The following DMBT1 variants were observed in gnomAD, a reference collection of about 807,000 sequenced individuals.
DMBT1 encodes the protein scavenger receptor cysteine-rich domain-containing protein DMBT1.
In DMBT1, 198 loss-of-function variants were observed where a neutral mutation model predicts 252.9. The ratio of observed to expected loss-of-function variants is 0.78; its 90% CI spans 0.70 to 0.88. The LOEUF is 0.88. Among genes scored for constraint, DMBT1 ranks in the 40% least tolerant of loss-of-function variants. The probability of loss-of-function intolerance (pLI) is 0.00; values close to 1 mark genes in which losing one functional copy is unlikely to be tolerated. For synonymous variants in DMBT1, 990 were observed against 942.7 expected (o/e 1.05, Z -0.92); for missense variants, 2,432 against 2,404.7 (o/e 1.01, Z -0.24).
At chr10:122,562,004 C>G (rs994149357) in intron 1 of DMBT1, among the ~76,000 whole-genome samples, 1 of 151,294 alleles carries the variant, frequency 6.6e-6, no homozygotes, top group Non-Finnish European at 1.5e-5. Context: ...CTATTATCAC[C>G]TTCCCTCCCC....
chr10:122,569,089 A>G (rs2097634700), intron 2 of DMBT1, among the ~76,000 whole-genome samples: 2 of 152,000 alleles, frequency 1.3e-5, no homozygotes, highest in African/African-American at 4.8e-5. Context: ...AGGTCAAGGG[A>G]TCATCGGCCA....
Position 122,618,357 on chromosome 10 carries a change from T to C in DMBT1, c.5215+17T>C, listed in dbSNP as rs995130390. On this transcript the variant is annotated intron_variant, in intron 41 of 55. Transcript: ENST00000338354. ...TCTGCTCAGGTGGGCTTTCAAGACC[T>C]TGGGCTCCCTCTCTTAAGTTGAAGT... The C allele has an allele frequency of 2.5e-6, 4 of 1,613,864 alleles. No individual in the cohort carries two copies. Among genetic ancestry groups the C allele is most frequent in the Non-Finnish European group, 3.4e-6 (4 of 1,179,780 alleles).
intron 41 of DMBT1, 124 bp from the exon 42 acceptor site, chr10:122,619,184 C>G (rs563000489): frequency 1.6e-6 from 2 of 1,255,814 alleles, no homozygotes; most frequent in African/African-American, 1.5e-5. Flanking sequence ...CAATGCCCCT[C>G]CCTCTGTGAT....
rs1456627695 is a variant in DMBT1, at chr10:122,643,020, G to C, written c.7353-102G>C. ...GGAAGGTGAGGTGTGCAGGAGGCAG[G>C]GGCAGTGAGGACAGGCTGTGGAGTT... is the stretch of plus-strand genomic sequence containing the variant. On this transcript the variant is annotated intron_variant, in intron 55 of 55. Coordinates refer to ENST00000338354, the MANE Select transcript of DMBT1 (RefSeq NM_001377530.1). 4.1e-6 allele frequency: 6 copies of C among 1,471,132 alleles called. No homozygotes were observed. In the East Asian group the frequency reaches 1.4e-4, roughly 34 times the overall value. 91.1% of individuals were successfully genotyped at this position (1,471,132 alleles called of 1,614,324 possible).
Position 122,629,017 on chromosome 10 carries a change from TG to T in DMBT1, c.5669-822del, listed in dbSNP as rs1319164945. Among the ~76,000 whole-genome samples, 57 of 152,320 alleles carry T rather than the reference TG, an allele frequency of 3.7e-4. 1 individual carries two copies. The highest frequency in any genetic ancestry group is 3.3e-3 in the Admixed American group (50 of 15,306). Reference sequence around the variant, plus strand: ...AGACGTTTTAATTTCTATCACTGAGTGTGCACATGTTTTTAAAAAGTTTTTA... The same window carrying T: ...AGACGTTTTAATTTCTATCACTGAGTTGCACATGTTTTTAAAAAGTTTTTA... On this transcript the variant is annotated intron_variant, in intron 46 of 55. Transcript: ENST00000338354.
At chr10:122,573,841 G>A (rs1015781596) in intron 6 of DMBT1, 79 bp downstream of exon 6, 18 of 1,551,922 alleles carry the variant, frequency 1.2e-5, no homozygotes, top group Non-Finnish European at 1.6e-5. Context: ...CAGATGAGGT[G>A]CAGAGGGCAT....
intron 6 of DMBT1, among the ~76,000 whole-genome samples, chr10:122,574,628 A>G (rs1279701906): frequency 6.6e-6 from 1 of 152,180 alleles, no homozygotes; most frequent in Non-Finnish European, 1.5e-5. Flanking sequence ...TGACTTAGCC[A>G]TGTCCCTTCG....
At chr10:122,571,400 A>T (rs1383840221) in intron 4 of DMBT1, among the ~76,000 whole-genome samples, 1 of 152,106 alleles carries the variant, frequency 6.6e-6, no homozygotes, top group Non-Finnish European at 1.5e-5. Flanking sequence ...CCTAAGTGGC[A>T]GTTTTTCCTT....
intron 10 of DMBT1, among the ~76,000 whole-genome samples, chr10:122,580,581 C>G (rs1367134190): frequency 6.6e-6 from 1 of 152,156 alleles, no homozygotes. Context: ...CTTGCTGACT[C>G]AGGAACACCT....
Position 122,579,840 on chromosome 10 carries a change from C to T in DMBT1, c.942C>T (p.Pro314=). The T allele has an allele frequency of 6.2e-7, 1 of 1,613,658 alleles. No individual in the cohort carries two copies. Among genetic ancestry groups the T allele is most frequent in the Non-Finnish European group, 8.5e-7 (1 of 1,179,650 alleles). Reference sequence around the variant, plus strand: ...ATGAGTCCTACCTGTGGAGCTGCCCCCACAATGGCTGGCTCACCCACAACT... The same window carrying T: ...ATGAGTCCTACCTGTGGAGCTGCCCTCACAATGGCTGGCTCACCCACAACT... ...SGHESYLWSC[P]HNGWLTHNCG... The change falls in exon 10 of 56, where the codon CCC becomes CCT. Residue 314 remains proline, a synonymous_variant. Transcript: ENST00000338354.
chr10:122,589,304 T>C lies in DMBT1; in HGVS notation c.2107+37T>C. On this transcript the variant is annotated intron_variant, in intron 17 of 55. Transcript: ENST00000338354. Reference sequence around the variant, plus strand: ...GCAATTTTGGTTTCCTCTCTTGGGGTAGATTTTGCCCAGGAAGAGAGGTCT... The same window carrying C: ...GCAATTTTGGTTTCCTCTCTTGGGGCAGATTTTGCCCAGGAAGAGAGGTCT... The C allele has an allele frequency of 3.2e-6, 5 of 1,587,256 alleles. 1 individual carries two copies. In the South Asian group the frequency reaches 5.8e-5, roughly 18 times the overall value.
At position 122,572,260 on chromosome 10, in the gene DMBT1, C is replaced by T. The variant is rs754260187; in HGVS notation, c.188-54C>T. On this transcript the variant is annotated intron_variant, in intron 4 of 55. Coordinates refer to ENST00000338354, the MANE Select transcript of DMBT1 (RefSeq NM_001377530.1). ...CAGACCTGAGGAAGCCATGGACCAA[C>T]CCTCTTCAAGCAAGGGCTACCATCA... The T allele has an allele frequency of 1.6e-5, 26 of 1,608,956 alleles. No homozygotes were observed. The Admixed American group carries it at 3.8e-4, about 24-fold the overall frequency.
intron 2 of DMBT1, among the ~76,000 whole-genome samples, chr10:122,566,285 A>G (rs1226640525): frequency 6.6e-6 from 1 of 150,840 alleles, no homozygotes; most frequent in African/African-American, 2.4e-5. Flanking sequence ...AGTTGAAAAT[A>G]AAGGTCAGTA....
At chr10:122,600,960 A>G (rs2097948533) in intron 27 of DMBT1, 31 bp from the exon 28 acceptor site, 2 of 723,602 alleles carry the variant, frequency 2.8e-6, no homozygotes, top group Admixed American at 4.1e-5. Context: ...TTCAAGTCTA[A>G]TTCTGTCTTT....
intron 4 of DMBT1, among the ~76,000 whole-genome samples, chr10:122,571,564 C>T (rs1221485466): frequency 6.6e-6 from 1 of 152,208 alleles, no homozygotes; most frequent in African/African-American, 2.4e-5. Context: ...AGAACTTCTC[C>T]TGGACCCAAC....
intron 6 of DMBT1, among the ~76,000 whole-genome samples, chr10:122,574,335 G>C (rs561307339): frequency 1.5e-4 from 23 of 152,290 alleles, no homozygotes; most frequent in Admixed American, 1.4e-3. Context: ...CTGGCAGCCT[G>C]GGCTTTGGGA....
At chr10:122,587,419 G>T (rs955175253) in intron 16 of DMBT1, among the ~76,000 whole-genome samples, 2 of 149,008 alleles carry the variant, frequency 1.3e-5, no homozygotes, top group Non-Finnish European at 3.0e-5. Context: ...GAGCACTGCA[G>T]TGTCTTGCCT....
rs777015288 is a variant in DMBT1, at chr10:122,597,991, A to G, written c.2935A>G (p.Thr979Ala). The G allele has an allele frequency of 7.4e-6, 12 of 1,613,810 alleles. No individual in the cohort carries two copies. The South Asian group carries it at 1.2e-4, about 16-fold the overall frequency. The change falls in exon 25 of 56, where the codon ACC becomes GCC. Residue 979 changes from threonine to alanine, a missense_variant. Thr to Ala is a moderately conservative substitution (Grantham distance 58). Coordinates refer to ENST00000338354, the MANE Select transcript of DMBT1 (RefSeq NM_001377530.1). ...TPSPDTLPTITLPASTVGSES... is the reference protein window; with the variant it reads ...TPSPDTLPTIALPASTVGSES... ...AATTACAGACACATTGCCGACCATC[A>G]CCTTGCCTGCATCGACAGTAGGTAA...
Position 122,631,253 on chromosome 10 carries a change from T to C in DMBT1, c.6318T>C (p.His2106=), listed in dbSNP as rs761827041. 1.2e-6 allele frequency: 2 copies of C among 1,614,018 alleles called. No individual in the cohort carries two copies. Among genetic ancestry groups the C allele is most frequent in the African/African-American group, 2.7e-5 (2 of 75,064 alleles). Residue 2106 remains histidine (H), a synonymous_variant, in exon 49 of 56, where the codon CAT becomes CAC. Transcript: ENST00000338354. The stretch of plus-strand genomic sequence containing the variant: ...GCTGGTTCTCCCACAACTGTAATCA[T>C]CGTGAAGATGCTGGTGTCATCTGCT... ...NRGWFSHNCN[H]REDAGVICSG... is the part of the protein sequence containing the mutation.
Sources: allele counts gnomAD v4.1 joint callset (sites outside exome capture counted in the v4.1 genomes callset), GRCh38; gene constraint gnomAD v4.1.1; transcripts MANE v1.5; gene names NCBI Gene and HGNC (gene_info 2026-07-23, HGNC 2026-07-21).